ANGPT1: variants seen among roughly 807,000 people sequenced by gnomAD.
ANGPT1 encodes the protein angiopoietin 1, also known as angiopoietin-1.
A neutral mutation model predicts 62.2 loss-of-function variants in ANGPT1; 17 were observed. The observed-to-expected ratio is 0.27, with a 90% CI of 0.19 to 0.41. The LOEUF (loss-of-function observed/expected upper bound fraction) is 0.41, where lower values mean the gene tolerates loss of function less well. Ranked by LOEUF, ANGPT1 falls within the 10% of genes least tolerant of loss-of-function variation. The probability of loss-of-function intolerance (pLI) is 1.00; values close to 1 mark genes in which losing one functional copy is unlikely to be tolerated. For missense variants in ANGPT1, 478 were observed against 594.9 expected, an observed-to-expected ratio of 0.80 and a Z score of 2.04; for synonymous variants, 199 against 198.9, an observed-to-expected ratio of 1.00 and a Z score of 0.00.
intron 1 of ANGPT1, among the ~76,000 whole-genome samples, chr8:107,392,941 G>A (rs1168584701): frequency 3.3e-5 from 5 of 152,078 alleles, no homozygotes; most frequent in Non-Finnish European, 5.9e-5. Context: ...TTCATTCCAT[G>A]GATCTCTTTG....
chr8:107,427,927 C>T (rs990223829), intron 1 of ANGPT1, among the ~76,000 whole-genome samples: 1 of 152,186 alleles, frequency 6.6e-6, no homozygotes, highest in African/African-American at 2.4e-5. Flanking sequence ...CAAGGCATTA[C>T]AGGACTTTGG....
chr8:107,457,757 C>G (rs990177359), intron 1 of ANGPT1, among the ~76,000 whole-genome samples: 3 of 151,060 alleles, frequency 2.0e-5, no homozygotes, highest in Non-Finnish European at 3.0e-5. Context: ...AAGTTTAAAC[C>G]ACTCACTATG....
chr8:107,452,761 TG>T (rs1811813247), intron 1 of ANGPT1, among the ~76,000 whole-genome samples: 1 of 151,902 alleles, frequency 6.6e-6, no homozygotes, highest in African/African-American at 2.4e-5. Context: ...ATATCCAAAG[TG>T]GAGATAATAA....
intron 7 of ANGPT1, 198 bp downstream of exon 7, chr8:107,284,484 A>C (rs942501854): frequency 5.4e-6 from 2 of 373,594 alleles, no homozygotes; most frequent in East Asian, 8.6e-5. Context: ...AAGATAGTCA[A>C]CCTACGAAAA....
intron 1 of ANGPT1, among the ~76,000 whole-genome samples, chr8:107,418,300 G>A (rs543749496): frequency 2.0e-5 from 3 of 152,202 alleles, no homozygotes; most frequent in Middle Eastern, 3.4e-3. Flanking sequence ...AGCTGAGTAC[G>A]ATATAAGCTT....
chr8:107,476,710 A>T (rs1159034034), intron 1 of ANGPT1, among the ~76,000 whole-genome samples: 1 of 152,188 alleles, frequency 6.6e-6, no homozygotes, highest in Non-Finnish European at 1.5e-5. Flanking sequence ...TTGTAAAGTC[A>T]TCTGAAATTA....
At chr8:107,378,742 A>G (rs1816577862) in intron 1 of ANGPT1, among the ~76,000 whole-genome samples, 1 of 151,938 alleles carries the variant, frequency 6.6e-6, no homozygotes, top group Non-Finnish European at 1.5e-5. Context: ...CACTTCTCCT[A>G]ACTGTGGCCT....
intron 1 of ANGPT1, chr8:107,495,012 G>A (rs1406426612): frequency 1.3e-5 from 2 of 152,132 alleles, no homozygotes; most frequent in African/African-American, 4.8e-5. Context: ...GCAGTACTGA[G>A]CATACCAAAT....
chr8:107,347,221 A>G (rs1254485768), intron 1 of ANGPT1, 124 bp from the exon 2 acceptor site: 9 of 944,198 alleles, frequency 9.5e-6, no homozygotes, highest in South Asian at 1.9e-5. Flanking sequence ...GGGATCCTCT[A>G]CATCTCTGGG....
At chr8:107,380,350 G>A (rs1205908147) in intron 1 of ANGPT1, among the ~76,000 whole-genome samples, 5 of 101,178 alleles carry the variant, frequency 4.9e-5, no homozygotes, top group African/African-American at 1.2e-4. Context: ...TTTATCATGT[G>A]CAGGATGTTT....
At chr8:107,257,250 T>C (rs1350334175) in intron 8 of ANGPT1, among the ~76,000 whole-genome samples, 1 of 152,216 alleles carries the variant, frequency 6.6e-6, no homozygotes, top group Non-Finnish European at 1.5e-5. Flanking sequence ...TAATAAGAAA[T>C]CTGAGATTCA....
chr8:107,349,839 T>A (rs959455540), intron 1 of ANGPT1, among the ~76,000 whole-genome samples: 1 of 152,130 alleles, frequency 6.6e-6, no homozygotes, highest in African/African-American at 2.4e-5. Context: ...GGGAGAATTT[T>A]AAAATGCAGA....
At chr8:107,463,715 T>G (rs1490569618) in intron 1 of ANGPT1, among the ~76,000 whole-genome samples, 1 of 152,144 alleles carries the variant, frequency 6.6e-6, no homozygotes, top group Non-Finnish European at 1.5e-5. Flanking sequence ...TCAATTCCCA[T>G]GTACAGCTGC....
intron 1 of ANGPT1, among the ~76,000 whole-genome samples, chr8:107,474,647 CG>C: frequency 6.6e-6 from 1 of 152,184 alleles, no homozygotes; most frequent in Middle Eastern, 3.4e-3. Context: ...TCAAATTGTC[CG>C]TGTTTGCAGA....
At chr8:107,422,919 G>A (rs185194310) in intron 1 of ANGPT1, among the ~76,000 whole-genome samples, 12 of 152,288 alleles carry the variant, frequency 7.9e-5, no homozygotes, top group East Asian at 7.7e-4. Context: ...TTTTCGCAGA[G>A]AAATTTGCAG....
At chr8:107,369,563 C>T (rs116364119) in intron 1 of ANGPT1, among the ~76,000 whole-genome samples, 288 of 152,258 alleles carry the variant, frequency 1.9e-3, no homozygotes, top group African/African-American at 6.5e-3. Context: ...TCTGACATGC[C>T]TTCTTCACTA....
chr8:107,272,190 A>C (rs1247876140), intron 7 of ANGPT1, among the ~76,000 whole-genome samples: 2 of 152,074 alleles, frequency 1.3e-5, no homozygotes, highest in South Asian at 2.1e-4. Flanking sequence ...AGATGTACAC[A>C]AAAGTGTGAA....
chr8:107,405,684 G>A (rs1002807469), intron 1 of ANGPT1, among the ~76,000 whole-genome samples: 39 of 151,812 alleles, frequency 2.6e-4, no homozygotes, highest in African/African-American at 8.7e-4. Context: ...AATCTGAAAC[G>A]CTCCTGGTCC....
chr8:107,326,159 A>G (rs1309488278), intron 3 of ANGPT1, among the ~76,000 whole-genome samples: 1 of 152,176 alleles, frequency 6.6e-6, no homozygotes, highest in East Asian at 1.9e-4. Context: ...CAGTGCATGT[A>G]ATGTGAAAAA....
Sources: gnomAD v4.1 joint callset for allele counts (sites outside exome capture counted in the v4.1 genomes callset) on GRCh38, gnomAD v4.1.1 for gene constraint, MANE v1.5 for transcripts, NCBI Gene and HGNC (gene_info 2026-07-23, HGNC 2026-07-21) for gene names.